KSR2: variants seen among roughly 807,000 people sequenced by gnomAD.
The protein encoded by KSR2 is kinase suppressor of ras 2.
Under a neutral mutation model 107.8 loss-of-function variants are expected in KSR2, and 25 were observed. That is an observed-to-expected ratio of 0.23 (90% confidence interval 0.17 to 0.32). KSR2 has a LOEUF of 0.32. Ranked by LOEUF, KSR2 falls within the 10% of genes least tolerant of loss-of-function variation. The pLI, the probability that KSR2 is intolerant of heterozygous loss-of-function variation, is 1.00. For missense variants in KSR2, 887 were observed against 1,268.9 expected, an observed-to-expected ratio of 0.70 and a Z score of 4.57; for synonymous variants, 480 against 507.0, an observed-to-expected ratio of 0.95 and a Z score of 0.71.
intron 1 of KSR2, among the ~76,000 whole-genome samples, chr12:117,861,514 G>T (rs542194180): frequency 3.4e-5 from 5 of 147,630 alleles, no homozygotes; most frequent in African/African-American, 1.3e-4. Context: ...TCAGCCTCCC[G>T]AGTAGCTGGG....
chr12:117,815,000 G>A (rs1891321726), intron 3 of KSR2, among the ~76,000 whole-genome samples: 1 of 152,174 alleles, frequency 6.6e-6, no homozygotes, highest in Non-Finnish European at 1.5e-5. Context: ...AGGGCTCACA[G>A]AAAGGGAAAT....
At chr12:117,862,019 T>G (rs1893314996) in intron 1 of KSR2, among the ~76,000 whole-genome samples, 1 of 152,110 alleles carries the variant, frequency 6.6e-6, no homozygotes, top group Non-Finnish European at 1.5e-5. Flanking sequence ...ATACATTTTT[T>G]TGTATGCATT....
At chr12:117,547,410 C>G (rs1434789609) in intron 9 of KSR2, among the ~76,000 whole-genome samples, 1 of 152,142 alleles carries the variant, frequency 6.6e-6, no homozygotes. Flanking sequence ...CTCCTTGAAT[C>G]CTACCTCAGC....
intron 6 of KSR2, among the ~76,000 whole-genome samples, chr12:117,581,338 G>A (rs138616850): frequency 1.7e-3 from 257 of 152,180 alleles, no homozygotes; most frequent in Non-Finnish European, 3.2e-3. Context: ...GCTCCCCAAG[G>A]GAACAGGCCT....
intron 1 of KSR2, among the ~76,000 whole-genome samples, chr12:117,896,192 T>C (rs528629870): frequency 3.3e-5 from 5 of 152,030 alleles, no homozygotes; most frequent in Admixed American, 6.5e-5. Context: ...TATTCAGCCA[T>C]GAAAAAGGAA....
intron 4 of KSR2, among the ~76,000 whole-genome samples, chr12:117,725,211 C>T (rs1271720863): frequency 6.6e-6 from 1 of 152,102 alleles, no homozygotes; most frequent in Non-Finnish European, 1.5e-5. Context: ...CAACTGCACT[C>T]ACCCCCAGCC....
intron 1 of KSR2, among the ~76,000 whole-genome samples, chr12:117,919,149 A>T (rs980582789): frequency 6.6e-6 from 1 of 152,172 alleles, no homozygotes; most frequent in African/African-American, 2.4e-5. Flanking sequence ...AAATAAATAA[A>T]TAAATAAACA....
At chr12:117,906,546 C>A (rs1894852602) in intron 1 of KSR2, among the ~76,000 whole-genome samples, 1 of 151,054 alleles carries the variant, frequency 6.6e-6, no homozygotes, top group South Asian at 2.1e-4. Context: ...GCGGAGGTTG[C>A]AGTTAGCCAA....
intron 6 of KSR2, among the ~76,000 whole-genome samples, chr12:117,579,843 G>C (rs1008187656): frequency 2.0e-5 from 3 of 152,172 alleles, no homozygotes; most frequent in Non-Finnish European, 4.4e-5. Context: ...CTGCAAACTT[G>C]AGCAGTTTGG....
intron 3 of KSR2, among the ~76,000 whole-genome samples, chr12:117,804,827 C>G (rs948022022): frequency 2.0e-5 from 3 of 152,196 alleles, no homozygotes; most frequent in Non-Finnish European, 4.4e-5. Flanking sequence ...AAGCTGCTCT[C>G]CCTCTCATTA....
chr12:117,968,205 C>T lies in KSR2; in HGVS notation c.51G>A (p.Leu17=). The T allele has an allele frequency of 6.4e-7, 1 of 1,552,164 alleles. No homozygotes were observed. The highest frequency in any genetic ancestry group is 1.7e-5 in the Admixed American group (1 of 57,274). The change falls in exon 1 of 20, where the codon TTG becomes TTA. Residue 17 remains leucine, a synonymous_variant. Transcript: ENST00000339824. ...GTTCGCACTGCTGTAAGGCTTTTTG[C>T]AAACTCAGAGGCTGCTGCTCCTCGC... ...TKSEEQQPLS[L]QKALQQCELV...
intron 5 of KSR2, among the ~76,000 whole-genome samples, chr12:117,602,294 T>C (rs956060214): frequency 9.8e-5 from 15 of 152,340 alleles, no homozygotes; most frequent in Admixed American, 6.5e-5. Context: ...CTTTAACACG[T>C]TCACAGTGGT....
intron 3 of KSR2, among the ~76,000 whole-genome samples, chr12:117,834,860 A>AT (rs957541444): frequency 2.0e-5 from 3 of 152,198 alleles, no homozygotes; most frequent in African/African-American, 7.2e-5. Flanking sequence ...GTGGGAATTA[A>AT]TTTTTTTATG....
At chr12:117,621,424 C>T (rs1260519377) in intron 5 of KSR2, among the ~76,000 whole-genome samples, 1 of 152,174 alleles carries the variant, frequency 6.6e-6, no homozygotes, top group Non-Finnish European at 1.5e-5. Flanking sequence ...TTTTGGCTGA[C>T]TCCACGACTT....
chr12:117,487,224 A>T (rs1872512954), intron 14 of KSR2, among the ~76,000 whole-genome samples: 2 of 152,236 alleles, frequency 1.3e-5, no homozygotes, highest in South Asian at 2.1e-4. Context: ...ACTTGTACAA[A>T]TATATATAAG....
intron 7 of KSR2, among the ~76,000 whole-genome samples, chr12:117,559,203 C>A (rs1490877421): frequency 6.6e-6 from 1 of 152,086 alleles, no homozygotes; most frequent in African/African-American, 2.4e-5. Flanking sequence ...AAAGGCATAT[C>A]CTCAGCAAAC....
intron 4 of KSR2, among the ~76,000 whole-genome samples, chr12:117,732,951 A>G (rs1887790479): frequency 6.6e-6 from 1 of 152,204 alleles, no homozygotes; most frequent in African/African-American, 2.4e-5. Context: ...ATCAGCCGCC[A>G]GGAGCAGATG....
At chr12:117,799,996 A>G (rs1162931480) in intron 3 of KSR2, among the ~76,000 whole-genome samples, 1 of 152,230 alleles carries the variant, frequency 6.6e-6, no homozygotes, top group Non-Finnish European at 1.5e-5. Flanking sequence ...ATGACAGTAG[A>G]GGTGATAATT....
intron 3 of KSR2, among the ~76,000 whole-genome samples, chr12:117,852,005 A>T (rs1284039085): frequency 6.6e-6 from 1 of 152,166 alleles, no homozygotes; most frequent in Non-Finnish European, 1.5e-5. Flanking sequence ...TGTTTCATGA[A>T]ACATGCTATA....
Sources: gnomAD v4.1 joint callset for allele counts (sites outside exome capture counted in the v4.1 genomes callset) on GRCh38, gnomAD v4.1.1 for gene constraint, MANE v1.5 for transcripts, NCBI Gene and HGNC (gene_info 2026-07-23, HGNC 2026-07-21) for gene names.